DERA: variants seen among roughly 807,000 people sequenced by gnomAD.
DERA encodes the protein deoxyribose-phosphate aldolase.
In DERA, 15 loss-of-function variants were observed where a neutral mutation model predicts 41.1. That is an observed-to-expected ratio of 0.37 (90% CI 0.24 to 0.56). The LOEUF is 0.56. Ranked by LOEUF, DERA falls within the 20% of genes least tolerant of loss-of-function variation. The pLI is 0.81. For synonymous variants in DERA, 139 were observed against 137.4 expected, an observed-to-expected ratio of 1.01 and a Z score of -0.08; for missense variants, 396 against 403.4, an observed-to-expected ratio of 0.98 and a Z score of 0.16.
At position 15,931,078 on chromosome 12, in the gene DERA, C is replaced by G. The variant is rs1307943205; in HGVS notation, c.31+19664C>G. ...GTTTTCAAATTGTTTTAAGTGTTTT[C>G]TATTATGGAGATATAAATAATATTT... On this transcript the variant is annotated intron_variant, in intron 1 of 8. Coordinates refer to ENST00000428559, the MANE Select transcript of DERA (RefSeq NM_015954.4). The surrounding 1 kb of genome is among the most constrained non-coding windows in gnomAD (Gnocchi z 4.6). Among the ~76,000 whole-genome samples the G allele has an allele frequency of 6.6e-6, 1 of 152,110 alleles. No homozygotes were observed. The highest frequency in any genetic ancestry group is 1.9e-4 in the East Asian group (1 of 5,182).
In DERA at chr12:16,017,071, T is replaced by C. The variant is rs1948987848; in HGVS notation, c.638-15471T>C. ...TCTCCTAGTCAGTAACCAAGGATTA[T>C]ACAGTCAGAGTCCCCACTTTGTATT... On this transcript the variant is annotated intron_variant, in intron 6 of 8. Transcript: ENST00000428559. The surrounding 1 kb of genome is among the most constrained non-coding windows in gnomAD (Gnocchi z 5.5). Among the ~76,000 whole-genome samples, 1 of 152,202 alleles carries C rather than the reference T, an allele frequency of 6.6e-6. No individual in the cohort carries two copies. The highest frequency in any genetic ancestry group is 2.4e-5 in the African/African-American group (1 of 41,452).
chr12:15,920,912 A>T (rs1948238998), intron 1 of DERA, among the ~76,000 whole-genome samples: 1 of 152,218 alleles, frequency 6.6e-6, no homozygotes, highest in African/African-American at 2.4e-5. Context: ...CATTTTTATA[A>T]GATTCCCAGA....
In DERA at chr12:15,963,246, CAG is replaced by C. The variant is rs569815599; in HGVS notation, c.508+301_508+302del. ...TTATTTTACCAACATGCTTTTTCTT[CAG>C]AAGGGAAAAGTTACTACTATTCTAT... On this transcript the variant is annotated intron_variant, in intron 5 of 8. Coordinates refer to ENST00000428559, the MANE Select transcript of DERA (RefSeq NM_015954.4). Among the ~76,000 whole-genome samples, 777 of 152,270 alleles carry C rather than the reference CAG, an allele frequency of 5.1e-3. 6 individuals carry two copies. Among genetic ancestry groups the C allele is most frequent in the African/African-American group, 0.018 (742 of 41,554 alleles).
chr12:15,975,364 CG>C (rs1860710747), intron 5 of DERA, among the ~76,000 whole-genome samples: 1 of 152,104 alleles, frequency 6.6e-6, no homozygotes, highest in South Asian at 2.1e-4. Flanking sequence ...GCCAGTTTAT[CG>C]ATCTGGGTGG....
In DERA at chr12:15,965,701, C is replaced by T. The variant is rs759511571; in HGVS notation, c.508+2754C>T. On this transcript the variant is annotated intron_variant, in intron 5 of 8. Transcript: ENST00000428559. This position sits in a 1 kb window ranked among gnomAD's most constrained non-coding sequence, Gnocchi z 4.1. ...ATGTCCACTTTCCTGAAATTTCTAA[C>T]TTTTCCACCCTCCTTGAAGCTCCTT... Among the ~76,000 whole-genome samples the T allele has an allele frequency of 6.6e-6, 1 of 152,162 alleles. No homozygotes were observed. Among genetic ancestry groups the T allele is most frequent in the Non-Finnish European group, 1.5e-5 (1 of 68,030 alleles).
At chr12:16,032,015 G>A (rs1302861748) in intron 6 of DERA, among the ~76,000 whole-genome samples, 1 of 152,158 alleles carries the variant, frequency 6.6e-6, no homozygotes. Context: ...AAATAGCGTG[G>A]TCTCTTTCAT....
chr12:15,919,367 G>C (rs574578562), intron 1 of DERA, among the ~76,000 whole-genome samples: 1 of 152,200 alleles, frequency 6.6e-6, no homozygotes, highest in South Asian at 2.1e-4. Context: ...AGGAAAGAAA[G>C]ACTAGTAAAT....
In DERA at chr12:16,018,535, G is replaced by T. The variant is rs147823002; in HGVS notation, c.638-14007G>T. Among the ~76,000 whole-genome samples, 341 of 152,234 alleles carry T rather than the reference G, an allele frequency of 2.2e-3. 1 individual carries two copies. Among genetic ancestry groups the T allele is most frequent in the African/African-American group, 7.9e-3 (328 of 41,580 alleles). Reference sequence around the variant, plus strand: ...TAGAGCTAGATGGATTTTGAAGACTGTCTTGAGTTTGTGGTTAATCTATTA... The same window carrying T: ...TAGAGCTAGATGGATTTTGAAGACTTTCTTGAGTTTGTGGTTAATCTATTA... On this transcript the variant is annotated intron_variant, in intron 6 of 8. Transcript: ENST00000428559.
chr12:16,032,701 T>C (rs1345532706), intron 7 of DERA, 47 bp downstream of exon 7: 5 of 1,141,872 alleles, frequency 4.4e-6, no homozygotes, highest in East Asian at 2.6e-5. Context: ...GATAATGTTA[T>C]TTATAATACT....
Position 16,036,461 on chromosome 12 carries a change from G to C in DERA, c.900+80G>C. ...AATTGAAAAGTCAAATTGAGAACTGGAGATAAAAACTCATCTGATTGACCT... is the reference window on the plus strand; with the variant it reads ...AATTGAAAAGTCAAATTGAGAACTGCAGATAAAAACTCATCTGATTGACCT... On this transcript the variant is annotated intron_variant, in intron 8 of 8. Coordinates refer to ENST00000428559, the MANE Select transcript of DERA (RefSeq NM_015954.4). The surrounding 1 kb of genome is among the most constrained non-coding windows in gnomAD (Gnocchi z 4.9). The C allele has an allele frequency of 6.8e-7, 1 of 1,475,670 alleles. No homozygotes were observed. Among genetic ancestry groups the C allele is most frequent in the Non-Finnish European group, 9.1e-7 (1 of 1,094,096 alleles). 91.4% of individuals were successfully genotyped at this position (1,475,670 alleles called of 1,614,324 possible). A position where few individuals can be genotyped will look rare whatever the true frequency, so the allele number is the denominator to read the frequency against.
At chr12:15,955,518 C>G (rs1391186689) in intron 1 of DERA, among the ~76,000 whole-genome samples, 1 of 152,092 alleles carries the variant, frequency 6.6e-6, no homozygotes, top group Non-Finnish European at 1.5e-5. Context: ...AGAAAACATA[C>G]AATATCTTTG....
In DERA at chr12:15,913,173, A is replaced by G. The variant is rs1252369529; in HGVS notation, c.31+1759A>G. Among the ~76,000 whole-genome samples, 2 of 152,372 alleles carry G rather than the reference A, an allele frequency of 1.3e-5. No homozygotes were observed. Among genetic ancestry groups the G allele is most frequent in the South Asian group, 4.1e-4 (2 of 4,832 alleles). ...ATTTTTAAATTTATTTATTTGCAGT[A>G]ATTAGAATCAATCACTTCCATTCAT... On this transcript the variant is annotated intron_variant, in intron 1 of 8. Transcript: ENST00000428559. This position sits in a 1 kb window ranked among gnomAD's most constrained non-coding sequence, Gnocchi z 4.5.
At chr12:16,027,181 A>G (rs1949058973) in intron 6 of DERA, among the ~76,000 whole-genome samples, 1 of 152,220 alleles carries the variant, frequency 6.6e-6, no homozygotes, top group Non-Finnish European at 1.5e-5. Flanking sequence ...CTCAGCCAAC[A>G]TACTTAATAT....
rs1163104277 is a variant in DERA, at chr12:15,960,636, CAAA to C, written c.373+737_373+739del. On this transcript the variant is annotated intron_variant, in intron 4 of 8. Coordinates refer to ENST00000428559, the MANE Select transcript of DERA (RefSeq NM_015954.4). ...TGGGTGATAGACCAAGACTCCGTCT[CAAA>C]AAAAAAAAAAAAAAAAAAAAAAAAC... Among the ~76,000 whole-genome samples, 52 of 28,700 alleles carry C rather than the reference CAAA, an allele frequency of 1.8e-3. No homozygotes were observed. In the East Asian group the frequency reaches 0.05, roughly 28 times the overall value. 18.8% of individuals were successfully genotyped at this position (28,700 alleles called of 152,430 possible). A position where few individuals can be genotyped will look rare whatever the true frequency, so the allele number is the denominator to read the frequency against.
chr12:15,969,236 C>T (rs2136153838), intron 5 of DERA, among the ~76,000 whole-genome samples: 1 of 152,290 alleles, frequency 6.6e-6, no homozygotes. Flanking sequence ...TGAATAGTTT[C>T]CATGCTCTGT....
At chr12:16,007,803 T>C (rs944899988) in intron 6 of DERA, among the ~76,000 whole-genome samples, 2 of 152,130 alleles carry the variant, frequency 1.3e-5, no homozygotes, top group African/African-American at 4.8e-5. Flanking sequence ...CTGAAGCTCC[T>C]TATATTTTCT....
chr12:16,028,859 G>C (rs1311189894), intron 6 of DERA, among the ~76,000 whole-genome samples: 1 of 151,998 alleles, frequency 6.6e-6, no homozygotes, highest in Non-Finnish European at 1.5e-5. Flanking sequence ...AAAATAAGAA[G>C]AATCTAAGAA....
intron 2 of DERA, 146 bp from the exon 3 acceptor site, chr12:15,958,042 G>T: frequency 1.9e-6 from 1 of 534,710 alleles, no homozygotes; most frequent in Non-Finnish European, 3.1e-6. Flanking sequence ...TTTATATCAT[G>T]TATCAGGATA....
At chr12:15,960,207 TAC>T (rs537447371) in intron 4 of DERA, among the ~76,000 whole-genome samples, 147 of 145,528 alleles carry the variant, frequency 1.0e-3, no homozygotes, top group African/African-American at 2.7e-3. Context: ...TATATATATA[TAC>T]ACACACACAC....
Sources: gnomAD v4.1 joint callset for allele counts (sites outside exome capture counted in the v4.1 genomes callset) on GRCh38, gnomAD v4.1.1 for gene constraint, Gnocchi (gnomAD v3.1) non-coding constraint, MANE v1.5 for transcripts, NCBI Gene and HGNC (gene_info 2026-07-23, HGNC 2026-07-21) for gene names.